Variants in MARK1 observed in about 807,000 individuals in gnomAD.
The protein encoded by MARK1 is serine/threonine-protein kinase MARK1.
Under a neutral mutation model 96.3 loss-of-function variants are expected in MARK1, and 40 were observed. That is an observed-to-expected ratio of 0.42 (90% CI 0.32 to 0.54). MARK1 has a LOEUF of 0.54. Ranked by LOEUF, MARK1 falls within the 20% of genes least tolerant of loss-of-function variation. The probability of loss-of-function intolerance (pLI) is 0.16; values close to 1 mark genes in which losing one functional copy is unlikely to be tolerated. For synonymous variants in MARK1, 317 were observed against 341.2 expected, an observed-to-expected ratio of 0.93 and a Z score of 0.78; for missense variants, 719 against 984.6, an observed-to-expected ratio of 0.73 and a Z score of 3.61.
intron 9 of MARK1, among the ~76,000 whole-genome samples, chr1:220,622,081 T>G (rs1032751071): frequency 6.6e-6 from 1 of 152,210 alleles, no homozygotes; most frequent in African/African-American, 2.4e-5. Flanking sequence ...AACTTCCATG[T>G]GTTATACTGT....
At chr1:220,564,502 A>T (rs1386580594) in intron 1 of MARK1, among the ~76,000 whole-genome samples, 2 of 152,156 alleles carry the variant, frequency 1.3e-5, no homozygotes, top group Non-Finnish European at 2.9e-5. Context: ...AACCAGATGT[A>T]TATGCAAATT....
intron 1 of MARK1, among the ~76,000 whole-genome samples, chr1:220,552,000 A>G (rs1041296357): frequency 1.3e-5 from 2 of 152,218 alleles, no homozygotes; most frequent in Non-Finnish European, 2.9e-5. Flanking sequence ...CCCATAGGAC[A>G]TGGGAGTAAG....
intron 9 of MARK1, among the ~76,000 whole-genome samples, chr1:220,620,168 A>G (rs1666974121): frequency 6.6e-6 from 1 of 152,140 alleles, no homozygotes; most frequent in African/African-American, 2.4e-5. Context: ...TTTAAATGTG[A>G]TTAGTTATAG....
intron 9 of MARK1, chr1:220,626,609 G>A (rs769420680): frequency 7.9e-5 from 29 of 368,582 alleles, no homozygotes; most frequent in Non-Finnish European, 2.1e-5. Context: ...ATCACTTGAG[G>A]TCAGAAGTTT....
chr1:220,657,378 G>GTA (rs765369469), intron 16 of MARK1, among the ~76,000 whole-genome samples: 84 of 152,266 alleles, frequency 5.5e-4, no homozygotes, highest in Non-Finnish European at 8.2e-4. Context: ...CAAGGTTAAT[G>GTA]TATATATTTT....
At chr1:220,611,231 C>G (rs1193514291) in intron 6 of MARK1, among the ~76,000 whole-genome samples, 2 of 152,182 alleles carry the variant, frequency 1.3e-5, no homozygotes, top group Non-Finnish European at 2.9e-5. Context: ...GGGCTCCACC[C>G]AGTTCAAGCT....
At position 220,579,422 on chromosome 1, in the gene MARK1, C is replaced by T. The variant is rs764215456; in HGVS notation, c.120C>T (p.Ile40=). Residue 40 remains isoleucine (I), a synonymous_variant, in exon 2 of 18, where the codon ATC becomes ATT. Transcript: ENST00000366917. ...QPTKSSSRQN[I]PRCRNSITSA... is the part of the protein sequence containing the mutation. ...CCAAGTCGAGTAGCAGACAGAACAT[C>T]CCCCGGTGTAGAAACTCCATTACGT... 6.2e-7 allele frequency: 1 copy of T among 1,613,900 alleles called. No individual in the cohort carries two copies. The highest frequency in any genetic ancestry group is 8.5e-7 in the Non-Finnish European group (1 of 1,179,842).
chr1:220,547,039 A>G (rs1482292669), intron 1 of MARK1, among the ~76,000 whole-genome samples: 1 of 152,164 alleles, frequency 6.6e-6, no homozygotes, highest in Non-Finnish European at 1.5e-5. Flanking sequence ...GCAAAAAGCT[A>G]TGGATAAGCT....
intron 9 of MARK1, chr1:220,626,035 C>A: frequency 1.8e-6 from 1 of 562,846 alleles, no homozygotes; most frequent in South Asian, 1.5e-5. Flanking sequence ...CAAGGACTGT[C>A]CAGTATTCAA....
chr1:220,543,827 T>C (rs546373132), intron 1 of MARK1, among the ~76,000 whole-genome samples: 1 of 152,238 alleles, frequency 6.6e-6, no homozygotes, highest in Non-Finnish European at 1.5e-5. Flanking sequence ...ATCTTTGTTC[T>C]TGCTCAGTTT....
At chr1:220,633,835 A>G (rs1291346246) in intron 11 of MARK1, among the ~76,000 whole-genome samples, 2 of 152,212 alleles carry the variant, frequency 1.3e-5, no homozygotes, top group East Asian at 1.9e-4. Flanking sequence ...GGGAAGTTCA[A>G]TTTGAGCTGG....
chr1:220,556,190 C>T (rs1356395812), intron 1 of MARK1, among the ~76,000 whole-genome samples: 1 of 152,112 alleles, frequency 6.6e-6, no homozygotes, highest in Admixed American at 6.5e-5. Context: ...AGCTCAAAGC[C>T]TTGATAGCTC....
At position 220,635,394 on chromosome 1, in the gene MARK1, T is replaced by C; in HGVS notation, c.1141T>C (p.Leu381=). The C allele has an allele frequency of 6.2e-7, 1 of 1,607,810 alleles. No individual in the cohort carries two copies. The change falls in exon 12 of 18, where the codon TTA becomes CTA. Residue 381 remains leucine, a synonymous_variant. Coordinates refer to ENST00000366917, the MANE Select transcript of MARK1 (RefSeq NM_018650.5). ...CTTATAGTTTGAAGGTGGTGAATCG[T>C]TATCCAGTGGAAACTTGTGTCAGAG... is the stretch of plus-strand genomic sequence containing the variant. ...KPPEFEGGES[L]SSGNLCQRSR...
intron 1 of MARK1, among the ~76,000 whole-genome samples, chr1:220,531,461 C>T (rs1431515719): frequency 1.3e-5 from 2 of 152,052 alleles, no homozygotes; most frequent in African/African-American, 2.4e-5. Context: ...CTTGATATTT[C>T]GTTGTCGTTT....
At chr1:220,529,225 G>A (rs998342668) in intron 1 of MARK1, among the ~76,000 whole-genome samples, 1 of 152,162 alleles carries the variant, frequency 6.6e-6, no homozygotes, top group South Asian at 2.1e-4. Context: ...GCCCCCACCC[G>A]AATGAATGCT....
intron 10 of MARK1, 26 bp from the exon 11 acceptor site, chr1:220,632,175 A>T: frequency 8.4e-7 from 1 of 1,186,024 alleles, no homozygotes; most frequent in South Asian, 2.0e-5. Context: ...CCATTTTCAG[A>T]AAATTTCTCT....
chr1:220,571,584 G>A (rs548830873), intron 1 of MARK1, among the ~76,000 whole-genome samples: 13 of 152,262 alleles, frequency 8.5e-5, no homozygotes, highest in African/African-American at 2.6e-4. Flanking sequence ...TAAAGGAAGC[G>A]TACCAGCTCA....
intron 6 of MARK1, among the ~76,000 whole-genome samples, chr1:220,613,435 T>C (rs1271646795): frequency 6.6e-6 from 1 of 152,144 alleles, no homozygotes; most frequent in Non-Finnish European, 1.5e-5. Context: ...TATAGAACTG[T>C]TTTCATAGAG....
At chr1:220,593,940 C>T (rs537248427) in intron 3 of MARK1, among the ~76,000 whole-genome samples, 5 of 152,086 alleles carry the variant, frequency 3.3e-5, no homozygotes, top group East Asian at 1.9e-4. Flanking sequence ...CCTGAGGGCA[C>T]GCCACTCAGA....
Sources: allele counts gnomAD v4.1 joint callset (sites outside exome capture counted in the v4.1 genomes callset), GRCh38; gene constraint gnomAD v4.1.1; transcripts MANE v1.5; gene names NCBI Gene and HGNC (gene_info 2026-07-23, HGNC 2026-07-21).